Variants in NT5C2 observed in about 807,000 individuals in gnomAD.
NT5C2 encodes cytosolic purine 5'-nucleotidase.
In NT5C2, 58 loss-of-function variants were observed where a neutral mutation model predicts 76.1. The ratio of observed to expected loss-of-function variants is 0.76; its 90% CI spans 0.62 to 0.95. The LOEUF is 0.95. Among genes scored for constraint, NT5C2 ranks in the 40% least tolerant of loss-of-function variants. NT5C2 has a pLI of 0.00. For missense variants in NT5C2, 478 were observed against 690.3 expected (o/e 0.69, Z 3.45); for synonymous variants, 229 against 237.4 (o/e 0.96, Z 0.32).
intron 8 of NT5C2, among the ~76,000 whole-genome samples, chr10:103,100,448 A>T (rs974569079): frequency 6.6e-6 from 1 of 152,142 alleles, no homozygotes; most frequent in South Asian, 2.1e-4. Context: ...CTTTCCACCA[A>T]ATTTAGTGTC....
intron 2 of NT5C2, among the ~76,000 whole-genome samples, chr10:103,179,445 G>A (rs1174377207): frequency 6.6e-6 from 1 of 152,016 alleles, no homozygotes; most frequent in Non-Finnish European, 1.5e-5. Flanking sequence ...AAGTAAAGGA[G>A]TGATATACAA....
At chr10:103,131,023 A>G (rs1404659073) in intron 4 of NT5C2, among the ~76,000 whole-genome samples, 2 of 152,138 alleles carry the variant, frequency 1.3e-5, no homozygotes, top group Non-Finnish European at 2.9e-5. Context: ...CTTTGAGGAA[A>G]CCCTATGTAG....
chr10:103,141,665 C>A (rs2080447568), intron 3 of NT5C2, among the ~76,000 whole-genome samples: 1 of 152,110 alleles, frequency 6.6e-6, no homozygotes, highest in Admixed American at 6.6e-5. Flanking sequence ...GATTTTATAA[C>A]TCATTCACTT....
Position 103,089,008 on chromosome 10 carries a change from A to G in NT5C2, c.*664T>C, listed in dbSNP as rs1022396673. Reference sequence around the variant, plus strand: ...GGTTGTTTTTGGATAACAAATAAGCATTTGTGCTATTAAACAAACAAAAGG... The same window carrying G: ...GGTTGTTTTTGGATAACAAATAAGCGTTTGTGCTATTAAACAAACAAAAGG... On this transcript the variant is annotated 3_prime_UTR_variant, in exon 19 of 19. Coordinates refer to ENST00000404739, the MANE Select transcript of NT5C2 (RefSeq NM_001351169.2). 3.3e-5 allele frequency: 7 copies of G among 211,684 alleles called. No homozygotes were observed. Among genetic ancestry groups the G allele is most frequent in the Non-Finnish European group, 4.8e-5 (5 of 104,404 alleles). 13.1% of individuals were successfully genotyped at this position (211,684 alleles called of 1,614,324 possible).
chr10:103,091,080 G>C (rs1168660203), intron 16 of NT5C2, 84 bp from the exon 17 acceptor site: 4 of 1,242,972 alleles, frequency 3.2e-6, no homozygotes, highest in Non-Finnish European at 4.6e-6. Flanking sequence ...TGTCACTCAG[G>C]CTGGAGTGCA....
intron 3 of NT5C2, among the ~76,000 whole-genome samples, chr10:103,148,532 A>G (rs1163671084): frequency 1.3e-5 from 2 of 151,796 alleles, no homozygotes; most frequent in Non-Finnish European, 2.9e-5. Flanking sequence ...TGAACCCAGG[A>G]GGCAGAGCTT....
intron 3 of NT5C2, among the ~76,000 whole-genome samples, chr10:103,173,861 C>T (rs377228600): frequency 5.3e-5 from 8 of 151,810 alleles, no homozygotes; most frequent in South Asian, 4.2e-4. Context: ...TCTAGGATGC[C>T]GAGGCAGGTG....
chr10:103,182,409 G>A (rs1351263294), intron 1 of NT5C2, among the ~76,000 whole-genome samples: 2 of 152,058 alleles, frequency 1.3e-5, no homozygotes, highest in African/African-American at 4.8e-5. Context: ...AGCCGAGGCG[G>A]GTGGATCATC....
At chr10:103,089,965 C>CAAATCCTAACCCCTCTCCTCTGTTAGG in intron 18 of NT5C2, 57 bp from the exon 19 acceptor site, 1 of 1,410,532 alleles carries the variant, frequency 7.1e-7, no homozygotes, top group South Asian at 1.4e-5. Flanking sequence ...AGCTACTCCC[C>CAAATCCTAACCCCTCTCCTCTGTTAGG]AAATCCTAAC....
chr10:103,140,751 G>A (rs2080262318), intron 3 of NT5C2, among the ~76,000 whole-genome samples: 1 of 152,150 alleles, frequency 6.6e-6, no homozygotes, highest in Admixed American at 6.5e-5. Context: ...ATATCTCATT[G>A]TGGTTTTGAT....
chr10:103,166,613 AAAC>A (rs1337459889), intron 3 of NT5C2, among the ~76,000 whole-genome samples: 1 of 120,372 alleles, frequency 8.3e-6, no homozygotes, highest in Non-Finnish European at 2.0e-5. Context: ...GATAAAAAAC[AAAC>A]AAACAAACAA....
intron 3 of NT5C2, among the ~76,000 whole-genome samples, chr10:103,172,675 A>G (rs546315780): frequency 6.6e-6 from 1 of 152,198 alleles, no homozygotes; most frequent in South Asian, 2.1e-4. Flanking sequence ...ATCTCTACTA[A>G]AATTACAAAA....
intron 6 of NT5C2, among the ~76,000 whole-genome samples, chr10:103,103,761 T>C (rs930855999): frequency 1.3e-5 from 2 of 152,240 alleles, no homozygotes; most frequent in African/African-American, 4.8e-5. Context: ...GGAGTCCTTC[T>C]TTTCCAGCCT....
chr10:103,139,417 T>G lies in NT5C2; in HGVS notation c.164A>C (p.Tyr55Ser). ...AAATTGCTACTCACCAGCAAGGGTA[T>G]AATCCATATCAAAACCAAAACACTT... ...KIKCFGFDMD[Y>S]TLAVYKSPEY... Residue 55 changes from tyrosine (Y) to serine (S), a missense_variant, in exon 4 of 19, where the codon TAT becomes TCT. Coordinates refer to ENST00000404739, the MANE Select transcript of NT5C2 (RefSeq NM_001351169.2). 1 of 1,580,578 alleles carries G rather than the reference T, an allele frequency of 6.3e-7. No individual in the cohort carries two copies. The highest frequency in any genetic ancestry group is 2.3e-5 in the East Asian group (1 of 43,514).
chr10:103,137,189 A>G (rs1455064733), intron 4 of NT5C2, among the ~76,000 whole-genome samples: 3 of 151,722 alleles, frequency 2.0e-5, no homozygotes, highest in African/African-American at 7.3e-5. Context: ...TCCTTTCCCT[A>G]GAGAGCTAGA....
chr10:103,182,649 A>C (rs1426389104), intron 1 of NT5C2, among the ~76,000 whole-genome samples: 1 of 151,928 alleles, frequency 6.6e-6, no homozygotes. Flanking sequence ...AAAAAAAACT[A>C]AACTTGGCAT....
At chr10:103,132,070 A>C (rs1358074950) in intron 4 of NT5C2, among the ~76,000 whole-genome samples, 1 of 152,040 alleles carries the variant, frequency 6.6e-6, no homozygotes, top group Non-Finnish European at 1.5e-5. Context: ...GTGAAACCCT[A>C]TCTCTACTAA....
intron 3 of NT5C2, among the ~76,000 whole-genome samples, chr10:103,156,623 C>T (rs547931917): frequency 1.3e-4 from 20 of 151,888 alleles, no homozygotes; most frequent in East Asian, 1.2e-3. Flanking sequence ...GGCATGGTGG[C>T]GCATGCCTGT....
intron 4 of NT5C2, among the ~76,000 whole-genome samples, chr10:103,118,040 A>G (rs1307313251): frequency 6.6e-6 from 1 of 152,256 alleles, no homozygotes; most frequent in Non-Finnish European, 1.5e-5. Flanking sequence ...TAAGGTGACT[A>G]TATGAAGGAT....
Sources: gnomAD v4.1 joint callset for allele counts (sites outside exome capture counted in the v4.1 genomes callset) on GRCh38, gnomAD v4.1.1 for gene constraint, MANE v1.5 for transcripts, NCBI Gene and HGNC (gene_info 2026-07-23, HGNC 2026-07-21) for gene names.